CNBD1: variants seen among roughly 807,000 people sequenced by gnomAD.
The protein encoded by CNBD1 is cyclic nucleotide-binding domain-containing protein 1.
CNBD1 carries 71 observed loss-of-function variants against 54.4 expected under a neutral mutation model. That is an observed-to-expected ratio of 1.30 (90% CI 1.08 to 1.59). CNBD1 has a LOEUF of 1.59. CNBD1 is among the 40% of genes most tolerant of loss of function. The pLI, the probability that CNBD1 is intolerant of heterozygous loss-of-function variation, is 0.00. For missense variants in CNBD1, 659 were observed against 518.0 expected, an observed-to-expected ratio of 1.27 and a Z score of -2.64; for synonymous variants, 182 against 170.7, an observed-to-expected ratio of 1.07 and a Z score of -0.51.
chr8:87,204,344 T>G (rs1813925270), intron 4 of CNBD1, among the ~76,000 whole-genome samples: 1 of 152,186 alleles, frequency 6.6e-6, no homozygotes, highest in African/African-American at 2.4e-5. Flanking sequence ...GAGGCTACTT[T>G]AAGGCCTTCT....
chr8:87,346,730 G>A (rs750021129), intron 8 of CNBD1, among the ~76,000 whole-genome samples: 1 of 152,256 alleles, frequency 6.6e-6, no homozygotes, highest in African/African-American at 2.4e-5. Context: ...CCCTAAAATA[G>A]CATCTTATTA....
At chr8:86,881,440 A>T (rs940632809) in intron 1 of CNBD1, among the ~76,000 whole-genome samples, 1 of 152,172 alleles carries the variant, frequency 6.6e-6, no homozygotes. Flanking sequence ...AGAATAAAAT[A>T]CCTAGGAATA....
In CNBD1 at chr8:87,353,765, A is replaced by G. The variant is rs772115904; in HGVS notation, c.1282A>G (p.Ile428Val). Reference sequence around the variant, plus strand: ...CAAAAAAGAAGTTGAGATGGCAATCATTGAAGATAAGGACCTATTTGGTAA... The same window carrying G: ...CAAAAAAGAAGTTGAGATGGCAATCGTTGAAGATAAGGACCTATTTGGTAA... ...ITKKEVEMAI[I>V]EDKDLFVA Residue 428 changes from isoleucine to valine, a missense_variant, in exon 10 of 11, where the codon ATT becomes GTT. Coordinates refer to ENST00000518476, the MANE Select transcript of CNBD1 (RefSeq NM_173538.3). The G allele has an allele frequency of 1.1e-5, 17 of 1,608,866 alleles. No homozygotes were observed. In the Admixed American group the frequency reaches 2.2e-4, roughly 21 times the overall value.
intron 2 of CNBD1, among the ~76,000 whole-genome samples, chr8:87,401,115 A>C (rs1422915098): frequency 6.6e-6 from 1 of 151,942 alleles, no homozygotes; most frequent in East Asian, 1.9e-4. Context: ...AAATTCCTAC[A>C]CTCCAAAGCT....
intron 8 of CNBD1, among the ~76,000 whole-genome samples, chr8:87,347,437 C>T (rs997872856): frequency 1.3e-5 from 2 of 152,056 alleles, no homozygotes; most frequent in African/African-American, 2.4e-5. Flanking sequence ...AGCTTGCATC[C>T]TAATGGCTAG....
intron 10 of CNBD1, among the ~76,000 whole-genome samples, chr8:87,355,322 A>G (rs974669790): frequency 6.6e-6 from 1 of 152,162 alleles, no homozygotes. Flanking sequence ...TTTCTGGGAC[A>G]TCTTCTGGCT....
At chr8:87,230,710 G>T (rs1814666481) in intron 5 of CNBD1, among the ~76,000 whole-genome samples, 2 of 152,238 alleles carry the variant, frequency 1.3e-5, no homozygotes, top group South Asian at 4.2e-4. Flanking sequence ...CTTGGTACAT[G>T]ATATTTACTC....
chr8:87,211,081 G>T (rs1028120685), intron 5 of CNBD1, among the ~76,000 whole-genome samples: 1 of 152,184 alleles, frequency 6.6e-6, no homozygotes, highest in South Asian at 2.1e-4. Flanking sequence ...GTGTGCTCCA[G>T]ATTTGGGACA....
intron 3 of CNBD1, among the ~76,000 whole-genome samples, chr8:86,908,800 T>C (rs866782137): frequency 1.1e-4 from 15 of 135,766 alleles, no homozygotes; most frequent in Non-Finnish European, 1.3e-4. Flanking sequence ...TTTTTTTTTT[T>C]TGTGCTGAGG....
chr8:87,202,442 A>C (rs1005319290), intron 4 of CNBD1, among the ~76,000 whole-genome samples: 8 of 152,232 alleles, frequency 5.3e-5, no homozygotes, highest in African/African-American at 1.9e-4. Flanking sequence ...AGCAAGTATC[A>C]GAATAGCTGA....
intron 2 of CNBD1, among the ~76,000 whole-genome samples, chr8:87,392,079 A>G (rs1811320500): frequency 6.6e-6 from 1 of 152,112 alleles, no homozygotes; most frequent in African/African-American, 2.4e-5. Flanking sequence ...GTTATTAGGA[A>G]GATGAAAATC....
At chr8:87,367,978 A>G (rs903539961) in intron 10 of CNBD1, among the ~76,000 whole-genome samples, 3 of 152,030 alleles carry the variant, frequency 2.0e-5, no homozygotes, top group Admixed American at 6.6e-5. Flanking sequence ...GATTACCAAC[A>G]TGGTGAAACC....
chr8:87,111,298 T>C (rs1337472918), intron 4 of CNBD1, among the ~76,000 whole-genome samples: 2 of 152,192 alleles, frequency 1.3e-5, no homozygotes, highest in African/African-American at 2.4e-5. Context: ...TAGGCCCATG[T>C]ACCCAGCAGA....
intron 4 of CNBD1, among the ~76,000 whole-genome samples, chr8:86,947,123 A>G (rs1343257555): frequency 6.6e-6 from 1 of 152,134 alleles, no homozygotes; most frequent in Non-Finnish European, 1.5e-5. Flanking sequence ...CCCTGGGTCT[A>G]TCTGCAGAGA....
chr8:87,413,963 G>T (rs1345624152), intron 2 of CNBD1, among the ~76,000 whole-genome samples: 3 of 151,812 alleles, frequency 2.0e-5, no homozygotes, highest in Admixed American at 2.0e-4. Flanking sequence ...AGTCAGTGTG[G>T]CGATTCCTCA....
rs201794685 is a variant in CNBD1, at chr8:87,204,060, G to GT, written c.432-1932dup. On this transcript the variant is annotated intron_variant, in intron 4 of 10. Transcript: ENST00000518476. The stretch of plus-strand genomic sequence containing the variant: ...TTATCTTTTGACCTGTTGGACAAAT[G>GT]TAAGAACACTGGAGATCATGTTCCC... Among the ~76,000 whole-genome samples, 563 of 152,316 alleles carry GT rather than the reference G, an allele frequency of 3.7e-3. 6 individuals are homozygous for GT. The highest frequency in any genetic ancestry group is 0.034 in the Middle Eastern group (10 of 294).
At chr8:87,298,297 C>T (rs1414771155) in intron 8 of CNBD1, among the ~76,000 whole-genome samples, 2 of 151,818 alleles carry the variant, frequency 1.3e-5, no homozygotes, top group East Asian at 1.9e-4. Context: ...AAGTATTCCC[C>T]TCCCCTCAAG....
At chr8:87,222,153 G>A (rs1443936210) in intron 5 of CNBD1, among the ~76,000 whole-genome samples, 1 of 151,752 alleles carries the variant, frequency 6.6e-6, no homozygotes, top group African/African-American at 2.4e-5. Context: ...CCATCTAAGG[G>A]CCTGAGAAGA....
At chr8:86,920,727 T>C (rs746266713) in intron 3 of CNBD1, among the ~76,000 whole-genome samples, 9 of 152,176 alleles carry the variant, frequency 5.9e-5, no homozygotes, top group Non-Finnish European at 8.8e-5. Context: ...AAAAAATTGA[T>C]ACATAAGTTT....
Sources: allele counts gnomAD v4.1 joint callset (sites outside exome capture counted in the v4.1 genomes callset), GRCh38; gene constraint gnomAD v4.1.1; transcripts MANE v1.5; gene names NCBI Gene and HGNC (gene_info 2026-07-23, HGNC 2026-07-21).